CA4: variants seen among roughly 807,000 people sequenced by gnomAD.
The protein encoded by CA4 is carbonic anhydrase 4.
A neutral mutation model predicts 34.5 loss-of-function variants in CA4; 24 were observed. The ratio of observed to expected loss-of-function variants is 0.70; its 90% CI spans 0.50 to 0.98. CA4 has a LOEUF of 0.98. Among genes scored for constraint, CA4 ranks in the 50% least tolerant of loss-of-function variants. The pLI is 0.00. For missense variants in CA4, 394 were observed against 396.7 expected (o/e 0.99, Z 0.06); for synonymous variants, 178 against 170.6 (o/e 1.04, Z -0.34).
chr17:60,178,065 T>A, the CA4 span, among the ~76,000 whole-genome samples: 1 of 152,100 alleles, frequency 6.6e-6, no homozygotes, highest in African/African-American at 2.4e-5. Flanking sequence ...TTTCGATGAC[T>A]ACTGTAAAAT....
chr17:60,170,055 C>T (rs1016148189), intron 5 of CA4, among the ~76,000 whole-genome samples: 13 of 152,156 alleles, frequency 8.5e-5, no homozygotes, highest in South Asian at 8.3e-4. Context: ...AATGCAGGAG[C>T]GGGGCAGGCA....
downstream of CA4, among the ~76,000 whole-genome samples, chr17:60,173,027 C>T (rs1430606222): frequency 1.3e-5 from 2 of 151,994 alleles, no homozygotes; most frequent in African/African-American, 4.8e-5. Flanking sequence ...CCTGTAATCC[C>T]AGCTACTCAG....
In CA4 at chr17:60,156,576, T is replaced by C. The variant is rs905291423; in HGVS notation, c.129T>C (p.Gly43=). The C allele has an allele frequency of 6.2e-7, 1 of 1,613,990 alleles. No homozygotes were observed. Among genetic ancestry groups the C allele is most frequent in the Non-Finnish European group, 8.5e-7 (1 of 1,180,024 alleles). The part of the protein sequence containing the change: ...NYPCLVPVKW[G]GNCQKDRQSP... ...CCTGCTCAGTGCCAGTCAAGTGGGG[T>C]GGAAACTGCCAGAAGGACCGCCAGT... is the stretch of plus-strand genomic sequence containing the variant. Residue 43 remains glycine, a synonymous_variant, in exon 3 of 8, where the codon GGT becomes GGC. Transcript: ENST00000300900.
chr17:60,156,394 C>T (rs1357946839), intron 2 of CA4, among the ~76,000 whole-genome samples, 166 bp from the exon 3 acceptor site: 7 of 152,114 alleles, frequency 4.6e-5, no homozygotes, highest in Admixed American at 2.6e-4. Flanking sequence ...CCAGGGAGGG[C>T]GAGAGTGGAG....
downstream of CA4, among the ~76,000 whole-genome samples, chr17:60,172,844 C>CA (rs1023294329): frequency 2.8e-4 from 41 of 147,824 alleles, no homozygotes; most frequent in Admixed American, 1.4e-3. Context: ...AACTCCGTCT[C>CA]AAAAAAAAAC....
chr17:60,170,217 A>G (rs937988568), intron 5 of CA4, among the ~76,000 whole-genome samples: 1 of 152,218 alleles, frequency 6.6e-6, no homozygotes, highest in African/African-American at 2.4e-5. Context: ...AAGGCCAGGA[A>G]GGAAAAGGCC....
chr17:60,154,731 G>A (rs369470020), intron 1 of CA4, among the ~76,000 whole-genome samples: 1 of 152,198 alleles, frequency 6.6e-6, no homozygotes, highest in East Asian at 1.9e-4. Flanking sequence ...GTGCGGTTGA[G>A]GGGCAGGGGA....
At chr17:60,157,982 C>A (rs345186) in intron 5 of CA4, 79 bp from the exon 6 acceptor site, 2 of 1,580,088 alleles carry the variant, frequency 1.3e-6, no homozygotes, top group South Asian at 2.3e-5. Context: ...TGGCCTTCCG[C>A]CCCCAGATCG....
At chr17:60,163,513 T>G (rs1345197702), downstream of CA4, among the ~76,000 whole-genome samples, 2 of 152,196 alleles carry the variant, frequency 1.3e-5, no homozygotes, top group East Asian at 3.9e-4. Context: ...CAGGCCTCTC[T>G]GAGGTTGGGG....
chr17:60,162,348 C>T (rs570481929), downstream of CA4, among the ~76,000 whole-genome samples: 2 of 152,100 alleles, frequency 1.3e-5, no homozygotes, highest in Non-Finnish European at 2.9e-5. Context: ...TCCCTCCATG[C>T]GGCCTCCACC....
At chr17:60,156,756 G>T in intron 3 of CA4, 41 bp downstream of exon 3, 1 of 1,588,382 alleles carries the variant, frequency 6.3e-7, no homozygotes, top group Non-Finnish European at 8.6e-7. Flanking sequence ...GGGCACCCGA[G>T]TTCCCCAAGG....
downstream of CA4, chr17:60,159,623 C>A: frequency 1.5e-6 from 1 of 652,766 alleles, no homozygotes. Context: ...TCCTCCTGTT[C>A]CAGGGCGGGG....
chr17:60,160,086 G>A (rs1267453921), downstream of CA4, among the ~76,000 whole-genome samples: 1 of 152,230 alleles, frequency 6.6e-6, no homozygotes, highest in Non-Finnish European at 1.5e-5. Context: ...GTTGCAGTGA[G>A]CTGAGATTGT....
intron 3 of CA4, 64 bp downstream of exon 3, chr17:60,156,779 G>A (rs1285703811): frequency 3.7e-5 from 55 of 1,468,022 alleles, no homozygotes; most frequent in Non-Finnish European, 4.9e-5. Flanking sequence ...TGAGAGGATG[G>A]GGCTCCTCCC....
chr17:60,156,831 G>A (rs561090904), intron 3 of CA4, 116 bp downstream of exon 3: 8 of 972,470 alleles, frequency 8.2e-6, no homozygotes, highest in Non-Finnish European at 1.3e-5. Flanking sequence ...GCTGTGAGGT[G>A]GCTGAAAATC....
downstream of CA4, among the ~76,000 whole-genome samples, chr17:60,174,027 G>T (rs1416501168): frequency 7.9e-5 from 12 of 152,270 alleles, no homozygotes; most frequent in Middle Eastern, 6.8e-3. Context: ...GTTATATTAT[G>T]CCTGTATTGT....
At chr17:60,157,602 T>A in intron 4 of CA4, 30 bp downstream of exon 4, 1 of 1,614,076 alleles carries the variant, frequency 6.2e-7, no homozygotes, top group Middle Eastern at 1.6e-4. Flanking sequence ...TGGGACCTTG[T>A]CTGGGCTCTG....
chr17:60,158,807 G>A (rs982901613), intron 7 of CA4: 2 of 418,610 alleles, frequency 4.8e-6, no homozygotes, highest in South Asian at 2.4e-5. Context: ...GACCAGTGGA[G>A]TCAACATCAT....
At chr17:60,151,049 G>T (rs1361918235) in intron 1 of CA4, among the ~76,000 whole-genome samples, 4 of 152,224 alleles carry the variant, frequency 2.6e-5, no homozygotes, top group Non-Finnish European at 4.4e-5. Context: ...CTCTAGGTGG[G>T]AGGTGGCAGG....
Sources: gnomAD v4.1 joint callset for allele counts (sites outside exome capture counted in the v4.1 genomes callset) on GRCh38, gnomAD v4.1.1 for gene constraint, MANE v1.5 for transcripts, NCBI Gene and HGNC (gene_info 2026-07-23, HGNC 2026-07-21) for gene names.